MAP2K5: variants seen among roughly 807,000 people sequenced by gnomAD.
MAP2K5 encodes mitogen-activated protein kinase kinase 5.
A neutral mutation model predicts 83.1 loss-of-function variants in MAP2K5; 49 were observed. That is an observed-to-expected ratio of 0.59 (90% CI 0.47 to 0.75). The LOEUF (loss-of-function observed/expected upper bound fraction) is 0.75. MAP2K5 is among the 30% of genes least tolerant of loss of function. MAP2K5 has a pLI of 0.00. For synonymous variants in MAP2K5, 202 were observed against 191.8 expected (o/e 1.05, Z -0.44); for missense variants, 457 against 557.5 (o/e 0.82, Z 1.82).
intron 4 of MAP2K5, 121 bp from the exon 5 acceptor site, chr15:67,585,769 T>C: frequency 1.2e-6 from 1 of 825,820 alleles, no homozygotes; most frequent in South Asian, 1.5e-5. Context: ...TGGGAGCCAC[T>C]TTTCAATCAT....
At chr15:67,710,100 G>C (rs1038564657) in intron 16 of MAP2K5, among the ~76,000 whole-genome samples, 1 of 152,096 alleles carries the variant, frequency 6.6e-6, no homozygotes, top group East Asian at 1.9e-4. Flanking sequence ...GGGTTCAAGC[G>C]ATCCTCCCTC....
intron 16 of MAP2K5, among the ~76,000 whole-genome samples, chr15:67,712,466 G>A (rs917952567): frequency 1.3e-5 from 2 of 152,218 alleles, no homozygotes; most frequent in South Asian, 4.1e-4. Context: ...AAGCAATTTG[G>A]ATGGCCAGAA....
At chr15:67,806,518 C>T (rs2090811307) in intron 21 of MAP2K5, 128 bp from the exon 22 acceptor site, 1 of 769,866 alleles carries the variant, frequency 1.3e-6, no homozygotes, top group Non-Finnish European at 2.0e-6. Flanking sequence ...GAGCTGATAG[C>T]CTCCCTCGTT....
intron 5 of MAP2K5, 143 bp downstream of exon 5, chr15:67,586,073 GA>G (rs2085282865): frequency 1.4e-6 from 1 of 727,746 alleles, no homozygotes; most frequent in Non-Finnish European, 2.4e-6. Flanking sequence ...GGTGGAGGGG[GA>G]TTCATCTGTA....
rs936559066 is a variant in MAP2K5, at chr15:67,777,779, CTG to C, written c.1242+5029_1242+5030del. Among the ~76,000 whole-genome samples, 2 of 152,098 alleles carry C rather than the reference CTG, an allele frequency of 1.3e-5. No homozygotes were observed. The highest frequency in any genetic ancestry group is 2.9e-5 in the Non-Finnish European group (2 of 68,036). ...TTTTCTCCTTAGGTTCTAGTAATGC[CTG>C]TTATTTTGTGCATCTCCTTGTACAT... On this transcript the variant is annotated intron_variant, in intron 21 of 21. Transcript: ENST00000178640. This position sits in a 1 kb window ranked among gnomAD's most constrained non-coding sequence, Gnocchi z 6.0.
rs371074103 is a variant in MAP2K5 at position 67,806,758 on chromosome 15, G to T, written c.*8G>T. ...CAGCAGGGGCCCCCGTGAGGCTGCC[G>T]CAGGGCACTGAAAGCCCAGGACCAG... On this transcript the variant is annotated 3_prime_UTR_variant, in exon 22 of 22. Transcript: ENST00000178640. 12 of 1,561,928 alleles carry T rather than the reference G, an allele frequency of 7.7e-6. No individual in the cohort carries two copies. The highest frequency in any genetic ancestry group is 4.1e-5 in the African/African-American group (3 of 73,674).
At chr15:67,608,212 A>G (rs904332462) in intron 8 of MAP2K5, among the ~76,000 whole-genome samples, 1 of 152,196 alleles carries the variant, frequency 6.6e-6, no homozygotes, top group African/African-American at 2.4e-5. Flanking sequence ...AGGGACTGAC[A>G]TAGTGTCTGT....
At chr15:67,765,332 C>CACCA (rs1673733167) in intron 19 of MAP2K5, among the ~76,000 whole-genome samples, 1 of 152,068 alleles carries the variant, frequency 6.6e-6, no homozygotes, top group African/African-American at 2.4e-5. Context: ...GCACTCCAGC[C>CACCA]TGGTGACAGA....
intron 16 of MAP2K5, among the ~76,000 whole-genome samples, chr15:67,714,735 G>A (rs928474043): frequency 1.3e-5 from 2 of 152,104 alleles, no homozygotes; most frequent in African/African-American, 4.8e-5. Flanking sequence ...CCCAAAATTT[G>A]AAGTACTCCC....
intron 19 of MAP2K5, among the ~76,000 whole-genome samples, chr15:67,754,834 G>T (rs998716245): frequency 6.6e-6 from 1 of 152,218 alleles, no homozygotes; most frequent in Admixed American, 6.5e-5. Context: ...GCCAAAAAGC[G>T]TAGGTGTTAC....
At position 67,690,376 on chromosome 15, in the gene MAP2K5, A is replaced by G. The variant is rs948031975; in HGVS notation, c.848-2103A>G. 3.3e-5 allele frequency among the ~76,000 whole-genome samples: 5 copies of G among 152,186 alleles called. No homozygotes were observed. The highest frequency in any genetic ancestry group is 7.3e-5 in the Non-Finnish European group (5 of 68,040). Reference sequence around the variant, plus strand: ...TGTTCTGGTTGGTGGGGGGCATGTCAGAGAATACTTAACCTCCTCCTTAAG... The same window carrying G: ...TGTTCTGGTTGGTGGGGGGCATGTCGGAGAATACTTAACCTCCTCCTTAAG... On this transcript the variant is annotated intron_variant, in intron 13 of 21. Transcript: ENST00000178640. The surrounding 1 kb of genome is among the most constrained non-coding windows in gnomAD (Gnocchi z 4.3).
At chr15:67,615,293 C>T (rs1051616767) in intron 8 of MAP2K5, among the ~76,000 whole-genome samples, 5 of 152,130 alleles carry the variant, frequency 3.3e-5, no homozygotes, top group Admixed American at 6.6e-5. Flanking sequence ...CCACTGTGCC[C>T]GGCCTGTTTC....
At chr15:67,570,659 A>G (rs1158195271) in intron 3 of MAP2K5, among the ~76,000 whole-genome samples, 1 of 152,236 alleles carries the variant, frequency 6.6e-6, no homozygotes, top group Non-Finnish European at 1.5e-5. Context: ...GGTGTAACTA[A>G]TGACACATCT....
At chr15:67,723,427 A>G (rs987201017) in intron 16 of MAP2K5, among the ~76,000 whole-genome samples, 3 of 152,174 alleles carry the variant, frequency 2.0e-5, no homozygotes, top group Non-Finnish European at 4.4e-5. Flanking sequence ...TTAGAGTGAG[A>G]TGTTAGTTGT....
At chr15:67,784,505 G>T (rs1207066506) in intron 21 of MAP2K5, among the ~76,000 whole-genome samples, 2 of 152,206 alleles carry the variant, frequency 1.3e-5, no homozygotes, top group African/African-American at 2.4e-5. Flanking sequence ...GCCACAGGCT[G>T]CATCTGCAGG....
At chr15:67,739,446 ATATATATATATATATATTTTT>A (rs2089427179) in intron 17 of MAP2K5, among the ~76,000 whole-genome samples, 1 of 15,712 alleles carries the variant, frequency 6.4e-5, no homozygotes, top group Non-Finnish European at 1.1e-4. Context: ...ATATATATAT[ATATATATATATATATATTTTT>A]TTTTTTTTTT....
chr15:67,604,073 A>T (rs2085725532), intron 8 of MAP2K5, among the ~76,000 whole-genome samples: 1 of 152,248 alleles, frequency 6.6e-6, no homozygotes, highest in African/African-American at 2.4e-5. Flanking sequence ...CAGTTGATAC[A>T]TTTTCCTCCT....
intron 16 of MAP2K5, among the ~76,000 whole-genome samples, chr15:67,713,293 T>G (rs916880323): frequency 6.6e-6 from 1 of 152,206 alleles, no homozygotes; most frequent in African/African-American, 2.4e-5. Context: ...ATGTACAAGC[T>G]TAACACATCT....
In MAP2K5 at chr15:67,702,815, G is replaced by A. The variant is rs182114382; in HGVS notation, c.973-522G>A. 9.9e-4 allele frequency among the ~76,000 whole-genome samples: 150 copies of A among 152,272 alleles called. No individual in the cohort carries two copies. Among genetic ancestry groups the A allele is most frequent in the Admixed American group, 4.8e-3 (74 of 15,292 alleles). ...GAATCTGGGTAAAGGAAATAGGAAT[G>A]TGTATTGCTCTGATCTCATTTTTTC... On this transcript the variant is annotated intron_variant, in intron 15 of 21. Transcript: ENST00000178640. This position sits in a 1 kb window ranked among gnomAD's most constrained non-coding sequence, Gnocchi z 4.6.
Sources: gnomAD v4.1 joint callset for allele counts (sites outside exome capture counted in the v4.1 genomes callset) on GRCh38, gnomAD v4.1.1 for gene constraint, Gnocchi (gnomAD v3.1) non-coding constraint, MANE v1.5 for transcripts, NCBI Gene and HGNC (gene_info 2026-07-23, HGNC 2026-07-21) for gene names.